Variants in WDR88 observed in about 807,000 individuals in gnomAD.
WDR88 encodes WD repeat-containing protein 88.
In WDR88, 40 loss-of-function variants were observed where a neutral mutation model predicts 46.8. The ratio of observed to expected loss-of-function variants is 0.86; its 90% confidence interval spans 0.66 to 1.11. The LOEUF (loss-of-function observed/expected upper bound fraction) is 1.11, where lower values mean the gene tolerates loss of function less well. Ranked by LOEUF, WDR88 falls within the 50% of genes most tolerant of loss-of-function variation. The pLI, the probability that WDR88 is intolerant of heterozygous loss-of-function variation, is 0.00. For synonymous variants in WDR88, 235 were observed against 240.7 expected (o/e 0.98, Z 0.22); for missense variants, 562 against 602.4 (o/e 0.93, Z 0.70).
At chr19:33,160,268 G>A (rs1973842603) in intron 7 of WDR88, 146 bp from the exon 8 acceptor site, 2 of 796,900 alleles carry the variant, frequency 2.5e-6, no homozygotes, top group Non-Finnish European at 4.3e-6. Flanking sequence ...TAATTGGCTT[G>A]GGGTCGTGGA....
At chr19:33,144,001 G>A (rs3848595) in intron 2 of WDR88, among the ~76,000 whole-genome samples, 3 of 151,970 alleles carry the variant, frequency 2.0e-5, no homozygotes, top group African/African-American at 7.3e-5. Context: ...CAGGGATGGG[G>A]TCGTGCTTCT....
chr19:33,152,851 C>T (rs566018412), intron 6 of WDR88, among the ~76,000 whole-genome samples: 2 of 152,232 alleles, frequency 1.3e-5, no homozygotes, highest in African/African-American at 2.4e-5. Context: ...CCACCCACCT[C>T]GGCCTCCCAC....
intron 2 of WDR88, among the ~76,000 whole-genome samples, chr19:33,143,259 C>A (rs1481094236): frequency 6.8e-6 from 1 of 147,980 alleles, no homozygotes; most frequent in Non-Finnish European, 1.5e-5. Context: ...TGCTGGAGCC[C>A]AGGAGGTGGT....
At chr19:33,165,369 C>A (rs1356475190) in intron 9 of WDR88, among the ~76,000 whole-genome samples, 2 of 151,182 alleles carry the variant, frequency 1.3e-5, no homozygotes, top group Admixed American at 6.6e-5. Context: ...AAAAAAAAAA[C>A]AACAAACCCA....
intron 2 of WDR88, among the ~76,000 whole-genome samples, chr19:33,144,573 G>T (rs980682526): frequency 1.3e-5 from 2 of 152,284 alleles, no homozygotes; most frequent in East Asian, 3.9e-4. Flanking sequence ...TTGCAGCTCT[G>T]CCCCCAGCAT....
chr19:33,142,832 CCT>C, intron 2 of WDR88: 1 of 128,358 alleles, frequency 7.8e-6, no homozygotes. Context: ...ATGGTGAAAC[CCT>C]GTCTCTACTA....
chr19:33,132,708 C>T (rs1245468131), intron 1 of WDR88, among the ~76,000 whole-genome samples: 1 of 152,250 alleles, frequency 6.6e-6, no homozygotes, highest in Non-Finnish European at 1.5e-5. Flanking sequence ...GGAGGCTCTG[C>T]CCCACCATGT....
At chr19:33,146,975 T>G (rs1265613470) in intron 3 of WDR88, among the ~76,000 whole-genome samples, 1 of 150,060 alleles carries the variant, frequency 6.7e-6, no homozygotes, top group Non-Finnish European at 1.5e-5. Flanking sequence ...TGGTGGCTTA[T>G]TCTTGTAATT....
In WDR88 at chr19:33,154,187, G is replaced by T. The variant is rs567367950; in HGVS notation, c.810-2168G>T. 1.5e-3 allele frequency among the ~76,000 whole-genome samples: 231 copies of T among 151,298 alleles called. 1 individual carries two copies. The highest frequency in any genetic ancestry group is 5.8e-3 in the East Asian group (30 of 5,172). ...CTGGTTTATTTATTTATTTATTTAT[G>T]TATTTATTTATTTAGAAATTGCTAT... On this transcript the variant is annotated intron_variant, in intron 6 of 10. Transcript: ENST00000355868.
At chr19:33,147,838 C>A in intron 4 of WDR88, 130 bp downstream of exon 4, 1 of 761,880 alleles carries the variant, frequency 1.3e-6, no homozygotes, top group Non-Finnish European at 2.1e-6. Context: ...GAGGCATGTT[C>A]CTGGGGATGG....
chr19:33,146,000 C>T (rs973021106), intron 3 of WDR88, among the ~76,000 whole-genome samples: 3 of 152,080 alleles, frequency 2.0e-5, no homozygotes, highest in Non-Finnish European at 2.9e-5. Context: ...GAGAGGAAAA[C>T]GATTGATCCT....
At chr19:33,161,140 T>TC in intron 8 of WDR88, among the ~76,000 whole-genome samples, 1 of 152,228 alleles carries the variant, frequency 6.6e-6, no homozygotes, top group Middle Eastern at 3.4e-3. Flanking sequence ...GCCACTGCAC[T>TC]CCAGCCTGGG....
intron 9 of WDR88, among the ~76,000 whole-genome samples, chr19:33,169,096 A>T (rs1052582009): frequency 1.3e-5 from 2 of 152,236 alleles, no homozygotes; most frequent in African/African-American, 2.4e-5. Context: ...AAATTAACTC[A>T]GGATCAAACA....
intron 9 of WDR88, among the ~76,000 whole-genome samples, chr19:33,168,762 G>A (rs569599749): frequency 1.2e-4 from 19 of 152,114 alleles, no homozygotes; most frequent in African/African-American, 3.6e-4. Context: ...AAGGGGCCCC[G>A]AATAGCCAAA....
chr19:33,136,131 C>T (rs1265246126), intron 1 of WDR88, among the ~76,000 whole-genome samples: 1 of 151,886 alleles, frequency 6.6e-6, no homozygotes, highest in East Asian at 1.9e-4. Context: ...CCTCGGCTCA[C>T]TGCAACCTCC....
chr19:33,140,769 G>GC (rs1478625328), intron 2 of WDR88, among the ~76,000 whole-genome samples: 1 of 151,110 alleles, frequency 6.6e-6, no homozygotes, highest in Non-Finnish European at 1.5e-5. Context: ...CAGCCTGGGC[G>GC]ACGGTGGGAG....
At chr19:33,174,775 C>A (rs558914784) in intron 10 of WDR88, 2 of 985,460 alleles carry the variant, frequency 2.0e-6, no homozygotes, top group East Asian at 2.3e-4. Flanking sequence ...TCCCAACTGT[C>A]AAGGGGCTTG....
intron 5 of WDR88, among the ~76,000 whole-genome samples, chr19:33,149,502 G>A (rs776170348): frequency 1.3e-5 from 2 of 152,084 alleles, no homozygotes; most frequent in Non-Finnish European, 2.9e-5. Context: ...GGAGGCTCAG[G>A]CTTCTTAACA....
intron 8 of WDR88, among the ~76,000 whole-genome samples, chr19:33,161,019 A>G (rs906591899): frequency 6.6e-6 from 1 of 151,918 alleles, no homozygotes; most frequent in Non-Finnish European, 1.5e-5. Context: ...CTAAAAATAC[A>G]AAAATCAGCC....
Sources: gnomAD v4.1 joint callset for allele counts (sites outside exome capture counted in the v4.1 genomes callset) on GRCh38, gnomAD v4.1.1 for gene constraint, MANE v1.5 for transcripts, NCBI Gene and HGNC (gene_info 2026-07-23, HGNC 2026-07-21) for gene names.